MEI4: variants seen among roughly 807,000 people sequenced by gnomAD.
MEI4 encodes meiosis-specific protein MEI4.
A neutral mutation model predicts 31.4 loss-of-function variants in MEI4; 27 were observed. That is an observed-to-expected ratio of 0.86 (90% CI 0.63 to 1.19). The LOEUF (loss-of-function observed/expected upper bound fraction) is 1.19. Among genes scored for constraint, MEI4 ranks in the 50% most tolerant of loss-of-function variants. The probability of loss-of-function intolerance (pLI) is 0.00; values close to 1 mark genes in which losing one functional copy is unlikely to be tolerated. For synonymous variants in MEI4, 122 were observed against 145.4 expected (o/e 0.84, Z 1.16); for missense variants, 329 against 398.9 (o/e 0.82, Z 1.49).
chr6:77,923,234 A>G lies in MEI4; in HGVS notation c.1046A>G (p.Lys349Arg). 8.1e-7 allele frequency: 1 copy of G among 1,230,562 alleles called. No individual in the cohort carries two copies. The highest frequency in any genetic ancestry group is 1.6e-5 in the African/African-American group (1 of 64,392). 76.2% of individuals were successfully genotyped at this position (1,230,562 alleles called of 1,614,324 possible). A position where few individuals can be genotyped will look rare whatever the true frequency, so the allele number is the denominator to read the frequency against. ...CAAGAAATCAAGAAATTTCTTCAGA[A>G]GCATGATGAAACTATTTTCCAACTT... ...DDQEIKKFLQ[K>R]HDETIFQLSD... Residue 349 changes from lysine to arginine, a missense_variant, in exon 5 of 5, where the codon AAG (lysine) becomes AGG (arginine). Lys to Arg is a conservative substitution (Grantham distance 26). Transcript: ENST00000684080.
chr6:77,761,418 C>T lies in MEI4; in HGVS notation c.521C>T (p.Thr174Ile). ...TESGNLKRDL[T>I]HFEKDSSTVS... The stretch of plus-strand genomic sequence containing the variant: ...TCAGGTAATCTTAAAAGAGACTTAA[C>T]CCACTTTGAAAAAGACTCTTCCACA... The change falls in exon 3 of 5, where the codon ACC becomes ATC. Residue 174 changes from threonine to isoleucine, a missense_variant. Transcript: ENST00000684080. 1.6e-6 allele frequency: 2 copies of T among 1,232,084 alleles called. No individual in the cohort carries two copies. Among genetic ancestry groups the T allele is most frequent in the Non-Finnish European group, 2.0e-6 (2 of 987,910 alleles). The allele number at this position is 1,232,084 out of a possible 1,614,324, so 76.3% of individuals were successfully genotyped here.
At chr6:77,865,249 G>A (rs190884052) in intron 4 of MEI4, among the ~76,000 whole-genome samples, 346 of 152,138 alleles carry the variant, frequency 2.3e-3, no homozygotes, top group African/African-American at 7.6e-3. Flanking sequence ...AACTGAAGGA[G>A]ATAGAGACAC....
At chr6:77,682,352 C>T (rs1768974286) in intron 1 of MEI4, among the ~76,000 whole-genome samples, 1 of 152,164 alleles carries the variant, frequency 6.6e-6, no homozygotes. Flanking sequence ...TACCCTCTGA[C>T]CTAAAACTGT....
intron 4 of MEI4, among the ~76,000 whole-genome samples, chr6:77,842,069 G>A (rs1770379337): frequency 6.6e-6 from 1 of 152,060 alleles, no homozygotes; most frequent in Non-Finnish European, 1.5e-5. Context: ...CCATAACAAA[G>A]CCATTGACTA....
chr6:77,826,348 TC>T (rs1324393057), intron 3 of MEI4, among the ~76,000 whole-genome samples: 1 of 152,192 alleles, frequency 6.6e-6, no homozygotes, highest in Non-Finnish European at 1.5e-5. Flanking sequence ...CCAGGGTCCC[TC>T]CTTTGTGATT....
intron 2 of MEI4, among the ~76,000 whole-genome samples, chr6:77,729,806 T>G (rs746292791): frequency 8.5e-5 from 13 of 152,322 alleles, no homozygotes; most frequent in Non-Finnish European, 1.8e-4. Flanking sequence ...TTTTAGTATT[T>G]TCTTCTTATG....
At chr6:77,667,144 A>C (rs1196492387) in intron 1 of MEI4, among the ~76,000 whole-genome samples, 2 of 152,212 alleles carry the variant, frequency 1.3e-5, no homozygotes, top group Non-Finnish European at 2.9e-5. Flanking sequence ...CTTAGCTCTA[A>C]ACAGTGATAC....
intron 2 of MEI4, among the ~76,000 whole-genome samples, chr6:77,706,473 C>A (rs1561952672): frequency 2.0e-5 from 3 of 152,214 alleles, no homozygotes; most frequent in Non-Finnish European, 2.9e-5. Context: ...AGACAATTTT[C>A]TATGAATCTT....
intron 2 of MEI4, among the ~76,000 whole-genome samples, chr6:77,745,449 G>C (rs1767567501): frequency 6.6e-6 from 1 of 151,978 alleles, no homozygotes; most frequent in African/African-American, 2.4e-5. Flanking sequence ...ACCCAATACA[G>C]GAGCACCCAG....
At chr6:77,762,584 G>A (rs1768069963) in intron 3 of MEI4, among the ~76,000 whole-genome samples, 1 of 152,100 alleles carries the variant, frequency 6.6e-6, no homozygotes, top group Non-Finnish European at 1.5e-5. Flanking sequence ...ATACATCATT[G>A]TTAAATATTT....
In MEI4 at chr6:77,860,602, T is replaced by A. The variant is rs1332012697; in HGVS notation, c.900+31540T>A. Among the ~76,000 whole-genome samples, 3 of 152,336 alleles carry A rather than the reference T, an allele frequency of 2.0e-5. No individual in the cohort carries two copies. The East Asian group carries it at 5.8e-4, about 29-fold the overall frequency. ...TTCAAAGTATTTTATATCAAACCAC[T>A]GATAAAATGAGAGTTTTTACTTTGT... On this transcript the variant is annotated intron_variant, in intron 4 of 4. Coordinates refer to ENST00000684080, the MANE Select transcript of MEI4 (RefSeq NM_001322247.2).
chr6:77,800,049 G>T (rs1348793270), intron 3 of MEI4, among the ~76,000 whole-genome samples: 2 of 152,120 alleles, frequency 1.3e-5, no homozygotes, highest in Non-Finnish European at 2.9e-5. Flanking sequence ...TTGGTAGCTT[G>T]ATGGGGATGG....
chr6:77,716,299 C>T (rs1766581538), intron 2 of MEI4, among the ~76,000 whole-genome samples: 1 of 152,080 alleles, frequency 6.6e-6, no homozygotes, highest in African/African-American at 2.4e-5. Flanking sequence ...ATTAGTCAAT[C>T]AGGATAGCTG....
intron 2 of MEI4, among the ~76,000 whole-genome samples, chr6:77,750,894 A>G (rs946031003): frequency 5.9e-5 from 9 of 152,228 alleles, no homozygotes; most frequent in Non-Finnish European, 1.2e-4. Flanking sequence ...TAGCAAATGC[A>G]AAAGAAGGGA....
chr6:77,920,863 C>T (rs1434483292), intron 4 of MEI4, among the ~76,000 whole-genome samples: 1 of 151,860 alleles, frequency 6.6e-6, no homozygotes, highest in Non-Finnish European at 1.5e-5. Context: ...TAAGTCTCAA[C>T]AGTAGGCTTA....
chr6:77,794,619 T>G (rs1428971891), intron 3 of MEI4, among the ~76,000 whole-genome samples: 1 of 151,824 alleles, frequency 6.6e-6, no homozygotes, highest in African/African-American at 2.4e-5. Context: ...TTACAAATAT[T>G]AACAAAACTG....
chr6:77,857,858 C>G (rs73763514), intron 4 of MEI4, among the ~76,000 whole-genome samples: 1 of 152,074 alleles, frequency 6.6e-6, no homozygotes, highest in Non-Finnish European at 1.5e-5. Flanking sequence ...TGTTTTTAAC[C>G]GTATGTATTG....
intron 2 of MEI4, among the ~76,000 whole-genome samples, chr6:77,696,073 C>A (rs566759468): frequency 6.5e-4 from 98 of 151,904 alleles, no homozygotes; most frequent in African/African-American, 2.1e-3. Context: ...TTTGTCTGTT[C>A]TTGGTGTATA....
intron 4 of MEI4, among the ~76,000 whole-genome samples, chr6:77,874,402 T>C (rs2127726455): frequency 6.6e-6 from 1 of 152,326 alleles, no homozygotes; most frequent in East Asian, 1.9e-4. Flanking sequence ...TTCAGCTCTC[T>C]GTTTGTCTGT....
Sources: allele counts gnomAD v4.1 joint callset (sites outside exome capture counted in the v4.1 genomes callset), GRCh38; gene constraint gnomAD v4.1.1; transcripts MANE v1.5; gene names NCBI Gene and HGNC (gene_info 2026-07-23, HGNC 2026-07-21).